Variants in PDE11A observed in about 807,000 individuals in gnomAD.
The protein encoded by PDE11A is phosphodiesterase 11A, also known as dual 3',5'-cyclic-AMP and -GMP phosphodiesterase 11A.
In PDE11A, 100 loss-of-function variants were observed where a neutral mutation model predicts 100.5. The observed-to-expected ratio is 1.00, with a 90% CI of 0.85 to 1.18. The LOEUF is 1.18. Ranked by LOEUF, PDE11A falls within the 50% of genes most tolerant of loss-of-function variation. The pLI is 0.00. For missense variants in PDE11A, 1,141 were observed against 1,152.6 expected, an observed-to-expected ratio of 0.99 and a Z score of 0.15; for synonymous variants, 381 against 420.8, an observed-to-expected ratio of 0.91 and a Z score of 1.16.
At chr2:178,040,260 T>G (rs2086667676) in intron 1 of PDE11A, among the ~76,000 whole-genome samples, 1 of 152,046 alleles carries the variant, frequency 6.6e-6, no homozygotes, top group African/African-American at 2.4e-5. Context: ...AGACAGGGTT[T>G]TACCATGTTG....
At chr2:178,104,244 T>C (rs2105890264) in intron 2 of PDE11A, 2 of 1,487,216 alleles carry the variant, frequency 1.3e-6, no homozygotes, top group East Asian at 2.3e-5. Flanking sequence ...TGCCAAATCA[T>C]ATGCTTTATT....
intron 1 of PDE11A, among the ~76,000 whole-genome samples, chr2:178,107,530 ATATTATT>A (rs1301280328): frequency 6.6e-6 from 1 of 151,510 alleles, no homozygotes; most frequent in East Asian, 1.9e-4. Flanking sequence ...AGCACTTTAT[ATATTATT>A]AACTCATTTA....
chr2:178,033,284 G>A (rs1329439086), intron 1 of PDE11A, among the ~76,000 whole-genome samples: 1 of 152,114 alleles, frequency 6.6e-6, no homozygotes, highest in African/African-American at 2.4e-5. Context: ...TTTATCAAGT[G>A]GGAGAAAGAA....
intron 18 of PDE11A, 24 bp from the exon 19 acceptor site, chr2:177,663,973 C>A (rs1248936252): frequency 4.1e-6 from 6 of 1,477,792 alleles, no homozygotes; most frequent in African/African-American, 1.4e-5. Context: ...CAGGAAGAAC[C>A]TCGCTTTATT....
chr2:177,735,648 A>C (rs186890480), intron 10 of PDE11A, among the ~76,000 whole-genome samples: 5 of 152,354 alleles, frequency 3.3e-5, no homozygotes, highest in Non-Finnish European at 7.3e-5. Flanking sequence ...ACAAAAAAAC[A>C]GTGCTTGTTC....
rs1440412706 is a variant in PDE11A at position 177,623,353 on chromosome 2, T to C, written c.*6054A>G. On this transcript the variant is annotated 3_prime_UTR_variant, in exon 20 of 20. Transcript: ENST00000286063. ...TGTGAAATGGCCAACCTGTCTATAA[T>C]GTAATATTCTTACAATGAAACATCA... The C allele has an allele frequency of 3.3e-5, 5 of 152,268 alleles. No individual in the cohort carries two copies. The allele number at this position is 152,268 out of a possible 1,614,324, so 9.4% of individuals were successfully genotyped here.
chr2:177,704,115 T>C (rs1169589934), intron 13 of PDE11A, among the ~76,000 whole-genome samples: 1 of 152,206 alleles, frequency 6.6e-6, no homozygotes, highest in Non-Finnish European at 1.5e-5. Flanking sequence ...TTCATTCATC[T>C]ATCATTCATT....
rs1341208513 is a variant in PDE11A, at chr2:178,072,489, G to A, written c.-52C>T. 1 of 1,607,684 alleles carries A rather than the reference G, an allele frequency of 6.2e-7. No homozygotes were observed. Among genetic ancestry groups the A allele is most frequent in the Non-Finnish European group, 8.5e-7 (1 of 1,179,350 alleles). Reference sequence around the variant, plus strand: ...TTACACGTGAACCAAATGTTTTCCTGCCCCGAGGCCTCTAGCTGTTCCTGC... The same window carrying A: ...TTACACGTGAACCAAATGTTTTCCTACCCCGAGGCCTCTAGCTGTTCCTGC... On this transcript the variant is annotated 5_prime_UTR_variant, in exon 1 of 20. Transcript: ENST00000286063.
intron 2 of PDE11A, among the ~76,000 whole-genome samples, chr2:177,957,685 C>T (rs763673191): frequency 3.3e-5 from 5 of 152,158 alleles, no homozygotes; most frequent in Non-Finnish European, 7.4e-5. Context: ...TGGCTGCTCA[C>T]AGCCACCTTT....
At position 177,744,757 on chromosome 2, in the gene PDE11A, C is replaced by T. The variant is rs117203751; in HGVS notation, c.1789-16585G>A. On this transcript the variant is annotated intron_variant, in intron 10 of 19. Transcript: ENST00000286063. ...CCTGTCCAGTGACTTCAAGCTTGGC[C>T]GTGACTTGCTTTGGCCAATAGAATG... Among the ~76,000 whole-genome samples the T allele has an allele frequency of 3.3e-3, 499 of 152,298 alleles. 5 individuals are homozygous for T. In the East Asian group the frequency reaches 0.048, roughly 15 times the overall value.
At chr2:178,003,910 C>T (rs907774176) in intron 2 of PDE11A, among the ~76,000 whole-genome samples, 10 of 151,964 alleles carry the variant, frequency 6.6e-5, no homozygotes, top group African/African-American at 2.4e-4. Flanking sequence ...GTAAAGATGT[C>T]AATATTTGTA....
At chr2:177,798,897 A>G (rs927377523) in intron 9 of PDE11A, among the ~76,000 whole-genome samples, 1 of 152,216 alleles carries the variant, frequency 6.6e-6, no homozygotes, top group Non-Finnish European at 1.5e-5. Context: ...TAAAGACTAC[A>G]GTGTAGAAAG....
In PDE11A at chr2:178,069,677, C is replaced by T. The variant is rs547660959; in HGVS notation, c.912+1849G>A. Reference sequence around the variant, plus strand: ...CACTCTGCAGAGTAAGGGTAGAGCCCACAGGAAGCATCAGCTGCTGAAAAC... The same window carrying T: ...CACTCTGCAGAGTAAGGGTAGAGCCTACAGGAAGCATCAGCTGCTGAAAAC... On this transcript the variant is annotated intron_variant, in intron 1 of 19. Coordinates refer to ENST00000286063, the MANE Select transcript of PDE11A (RefSeq NM_016953.4). Among the ~76,000 whole-genome samples the T allele has an allele frequency of 2.6e-5, 4 of 152,156 alleles. No individual in the cohort carries two copies. The East Asian group carries it at 7.7e-4, about 29-fold the overall frequency.
At position 177,728,109 on chromosome 2, in the gene PDE11A, G is replaced by C. The variant is rs370029404; in HGVS notation, c.1852C>G (p.Leu618Val). 4 of 1,612,324 alleles carry C rather than the reference G, an allele frequency of 2.5e-6. No individual in the cohort carries two copies. In the African/African-American group the frequency reaches 5.3e-5, roughly 22 times the overall value. Residue 618 changes from leucine to valine, a missense_variant, in exon 11 of 20, where the codon CTC (leucine) becomes GTC (valine). Leu to Val is a conservative substitution (Grantham distance 32). Transcript: ENST00000286063. ...GCTGTGATCATGGCATCAACGTCGA[G>C]AGAAAAGTCATCAAAATGAATGTCA... ...IDDIHFDDFS[L>V]DVDAMITAAL... is the part of the protein sequence containing the mutation.
chr2:178,004,950 T>G (rs528926545), intron 2 of PDE11A, among the ~76,000 whole-genome samples: 115 of 152,254 alleles, frequency 7.6e-4, no homozygotes, highest in Non-Finnish European at 1.3e-3. Flanking sequence ...AAAAAGTTAC[T>G]TAAGGTGAAC....
chr2:177,991,222 T>C (rs1287995064), intron 2 of PDE11A, among the ~76,000 whole-genome samples: 1 of 148,052 alleles, frequency 6.8e-6, no homozygotes, highest in East Asian at 2.0e-4. Flanking sequence ...CTACTCAGGA[T>C]TGGGAGGCTG....
intron 1 of PDE11A, among the ~76,000 whole-genome samples, chr2:178,041,830 T>C (rs1264375935): frequency 6.6e-6 from 1 of 152,156 alleles, no homozygotes; most frequent in African/African-American, 2.4e-5. Flanking sequence ...GAAAAGACAA[T>C]GTTTCAAGCA....
At chr2:177,941,110 G>A (rs2085341070) in intron 2 of PDE11A, among the ~76,000 whole-genome samples, 1 of 152,202 alleles carries the variant, frequency 6.6e-6, no homozygotes, top group Non-Finnish European at 1.5e-5. Flanking sequence ...AATCCCTGCT[G>A]CAAGCTGAAA....
intron 9 of PDE11A, among the ~76,000 whole-genome samples, chr2:177,776,516 A>G (rs1029561215): frequency 7.2e-5 from 11 of 152,132 alleles, no homozygotes; most frequent in African/African-American, 2.7e-4. Context: ...CAATGCTACT[A>G]TTATGAGGGG....
Sources: allele counts gnomAD v4.1 joint callset (sites outside exome capture counted in the v4.1 genomes callset), GRCh38; gene constraint gnomAD v4.1.1; transcripts MANE v1.5; gene names NCBI Gene and HGNC (gene_info 2026-07-23, HGNC 2026-07-21).